Variants in PCDHGA9 observed in about 807,000 individuals in gnomAD.
PCDHGA9 encodes protocadherin gamma subfamily A, 9.
PCDHGA9 carries 37 observed loss-of-function variants against 62.5 expected under a neutral mutation model. The ratio of observed to expected loss-of-function variants is 0.59; its 90% CI spans 0.46 to 0.78. The LOEUF is 0.78. PCDHGA9 is among the 30% of genes least tolerant of loss of function. The probability of loss-of-function intolerance (pLI) is 0.00; values close to 1 mark genes in which losing one functional copy is unlikely to be tolerated. For synonymous variants in PCDHGA9, 459 were observed against 484.6 expected, an observed-to-expected ratio of 0.95 and a Z score of 0.69; for missense variants, 1,138 against 1,166.2, an observed-to-expected ratio of 0.98 and a Z score of 0.35.
chr5:141,424,860 A>C (rs2154550951), intron 1 of PCDHGA9, among the ~76,000 whole-genome samples: 1 of 152,340 alleles, frequency 6.6e-6, no homozygotes. Flanking sequence ...TGTCTAGGAA[A>C]GCCAAATGAG....
intron 1 of PCDHGA9, chr5:141,424,504 GT>G (rs892941709): frequency 6.6e-6 from 1 of 152,016 alleles, no homozygotes; most frequent in Non-Finnish European, 1.5e-5. Context: ...TGTATGGAAG[GT>G]TTTTTAATGT....
intron 1 of PCDHGA9, chr5:141,441,995 G>T: frequency 8.1e-6 from 2 of 246,740 alleles, no homozygotes; most frequent in Non-Finnish European, 8.0e-6. Flanking sequence ...CCGACGAGGT[G>T]CTGACAGCTC....
At chr5:141,499,730 T>C (rs1412528402) in intron 2 of PCDHGA9, among the ~76,000 whole-genome samples, 1 of 143,912 alleles carries the variant, frequency 6.9e-6, no homozygotes, top group East Asian at 2.1e-4. Context: ...AGTCTCACTC[T>C]CTTGCCCAGG....
chr5:141,499,408 G>C (rs1178843162), intron 2 of PCDHGA9, among the ~76,000 whole-genome samples: 1 of 151,896 alleles, frequency 6.6e-6, no homozygotes, highest in Non-Finnish European at 1.5e-5. Context: ...GCTCATTATA[G>C]AAACATGAAA....
chr5:141,448,323 A>G (rs2098582223), intron 1 of PCDHGA9, among the ~76,000 whole-genome samples: 1 of 152,080 alleles, frequency 6.6e-6, no homozygotes, highest in Non-Finnish European at 1.5e-5. Flanking sequence ...TTTTCTTTGA[A>G]TCTTTATAGC....
At chr5:141,422,758 A>C (rs1237677806) in intron 1 of PCDHGA9, 3 of 1,613,032 alleles carry the variant, frequency 1.9e-6, no homozygotes, top group Non-Finnish European at 2.5e-6. Flanking sequence ...TATTAACTCC[A>C]ACACTGGTGT....
intron 1 of PCDHGA9, among the ~76,000 whole-genome samples, chr5:141,479,135 G>C (rs1236040845): frequency 6.6e-6 from 1 of 152,126 alleles, no homozygotes; most frequent in East Asian, 1.9e-4. Flanking sequence ...TGTGCACCCT[G>C]CTTACAAAAT....
intron 1 of PCDHGA9, chr5:141,423,758 G>GA: frequency 1.1e-5 from 4 of 366,840 alleles, no homozygotes; most frequent in South Asian, 8.5e-5. Flanking sequence ...TTTGGGGGGG[G>GA]GGTGGGGCGG....
At chr5:141,488,705 G>C (rs1024064135) in intron 1 of PCDHGA9, among the ~76,000 whole-genome samples, 8 of 152,200 alleles carry the variant, frequency 5.3e-5, no homozygotes, top group Non-Finnish European at 1.2e-4. Context: ...AGATTTTGCT[G>C]GTTCAAGCAA....
intron 1 of PCDHGA9, among the ~76,000 whole-genome samples, chr5:141,406,662 A>G (rs1357382326): frequency 6.6e-6 from 1 of 152,208 alleles, no homozygotes; most frequent in Non-Finnish European, 1.5e-5. Flanking sequence ...TTAATGTTAA[A>G]TTATGGAGAA....
intron 1 of PCDHGA9, among the ~76,000 whole-genome samples, chr5:141,472,980 C>CAAAAAAAAAAAAAAAAA (rs60579131): frequency 5.8e-5 from 5 of 86,060 alleles, no homozygotes; most frequent in African/African-American, 3.9e-5. Context: ...GAGTGAAACT[C>CAAAAAAAAAAAAAAAAA]AAAAAAAAAA....
At position 141,413,561 on chromosome 5, in the gene PCDHGA9, AT is replaced by A. The variant is rs1363955348; in HGVS notation, c.2424+8186del. The stretch of plus-strand genomic sequence containing the variant: ...TTTGGGATAGAAATAGAAGTAACTG[AT>A]ATCAATGACAATGCTCCAAAATTCC... On this transcript the variant is annotated intron_variant, in intron 1 of 3. Coordinates refer to ENST00000573521, the MANE Select transcript of PCDHGA9 (RefSeq NM_018921.3). The A allele has an allele frequency of 6.2e-6, 10 of 1,613,806 alleles. No individual in the cohort carries two copies. In the Admixed American group the frequency reaches 1.3e-4, roughly 22 times the overall value.
chr5:141,510,791 A>C (rs1244085822), intron 3 of PCDHGA9, 156 bp from the exon 4 acceptor site: 1 of 929,250 alleles, frequency 1.1e-6, no homozygotes, highest in Non-Finnish European at 1.3e-6. Context: ...AACTCTTGTG[A>C]AGAGAGACTA....
chr5:141,485,982 A>G lies in PCDHGA9; in HGVS notation c.2425-8825A>G. 6.2e-7 allele frequency: 1 copy of G among 1,614,156 alleles called. No homozygotes were observed. The highest frequency in any genetic ancestry group is 8.5e-7 in the Non-Finnish European group (1 of 1,180,020). ...ATCCAGCTCAATGCCTCAGACCCGG[A>G]CCTGGGTCCCAGTGGTAACGTCACC... On this transcript the variant is annotated intron_variant, in intron 1 of 3. Coordinates refer to ENST00000573521, the MANE Select transcript of PCDHGA9 (RefSeq NM_018921.3). The surrounding 1 kb of genome is among the most constrained non-coding windows in gnomAD (Gnocchi z 5.7).
chr5:141,481,182 G>T (rs2099533183), intron 1 of PCDHGA9, among the ~76,000 whole-genome samples: 1 of 152,180 alleles, frequency 6.6e-6, no homozygotes, highest in Non-Finnish European at 1.5e-5. Flanking sequence ...AGCTTTATTG[G>T]GCCAGGCCCA....
chr5:141,482,661 T>A (rs1215403061), intron 1 of PCDHGA9, among the ~76,000 whole-genome samples: 2 of 151,742 alleles, frequency 1.3e-5, no homozygotes, highest in African/African-American at 4.9e-5. Flanking sequence ...TGAGCTATGA[T>A]CTAAAGGTTG....
chr5:141,502,331 G>C lies in PCDHGA9; in HGVS notation c.2484-3062G>C, dbSNP rs555959890. ...TCCTTTAATCTGGAGCCAGCTCCCA[G>C]TCTTTTTATTTTTTTAATGACATGG... On this transcript the variant is annotated intron_variant, in intron 2 of 3. Transcript: ENST00000573521. Among the ~76,000 whole-genome samples, 42 of 152,102 alleles carry C rather than the reference G, an allele frequency of 2.8e-4. No individual in the cohort carries two copies. The South Asian group carries it at 6.2e-3, about 23-fold the overall frequency.
At chr5:141,498,089 A>G (rs1402239680) in intron 2 of PCDHGA9, among the ~76,000 whole-genome samples, 3 of 152,370 alleles carry the variant, frequency 2.0e-5, no homozygotes, top group South Asian at 2.1e-4. Context: ...GTAGAATTGT[A>G]TCTGGTGGTG....
intron 1 of PCDHGA9, among the ~76,000 whole-genome samples, chr5:141,469,882 G>A (rs760102003): frequency 2.6e-5 from 4 of 152,280 alleles, no homozygotes; most frequent in Non-Finnish European, 4.4e-5. Context: ...TGTAATCTCG[G>A]CACTTTGGGA....
Sources: gnomAD v4.1 joint callset for allele counts (sites outside exome capture counted in the v4.1 genomes callset) on GRCh38, gnomAD v4.1.1 for gene constraint, Gnocchi (gnomAD v3.1) non-coding constraint, MANE v1.5 for transcripts, NCBI Gene and HGNC (gene_info 2026-07-23, HGNC 2026-07-21) for gene names.